Variants in SLC30A6 observed in about 807,000 individuals in gnomAD.
The protein encoded by SLC30A6 is zinc transporter 6.
Under a neutral mutation model 63.0 loss-of-function variants are expected in SLC30A6, and 55 were observed. The ratio of observed to expected loss-of-function variants is 0.87; its 90% CI spans 0.70 to 1.09. SLC30A6 has a LOEUF of 1.09. SLC30A6 is among the 50% of genes least tolerant of loss of function. The pLI is 0.00. For missense variants in SLC30A6, 587 were observed against 549.2 expected, an observed-to-expected ratio of 1.07 and a Z score of -0.69; for synonymous variants, 224 against 186.1, an observed-to-expected ratio of 1.20 and a Z score of -1.66.
At chr2:32,199,948 C>A (rs1684123961) in intron 10 of SLC30A6, among the ~76,000 whole-genome samples, 1 of 152,128 alleles carries the variant, frequency 6.6e-6, no homozygotes, top group South Asian at 2.1e-4. Context: ...AACCCCGTCT[C>A]TGCTAAAAAT....
At chr2:32,188,243 T>C (rs2148841406) in intron 5 of SLC30A6, among the ~76,000 whole-genome samples, 1 of 152,358 alleles carries the variant, frequency 6.6e-6, no homozygotes, top group African/African-American at 2.4e-5. Flanking sequence ...GTGTTACTCA[T>C]ATCTTAATAT....
chr2:32,172,943 A>C (rs574717622), intron 2 of SLC30A6, among the ~76,000 whole-genome samples: 1 of 152,184 alleles, frequency 6.6e-6, no homozygotes, highest in Non-Finnish European at 1.5e-5. Flanking sequence ...CACATCAGCC[A>C]TCACTCCGCC....
intron 13 of SLC30A6, among the ~76,000 whole-genome samples, chr2:32,210,515 C>CAAAAAAAAAAAAAAAA (rs3040860): frequency 3.4e-5 from 3 of 89,216 alleles, no homozygotes; most frequent in Non-Finnish European, 6.1e-5. Context: ...ACTCTGTCTC[C>CAAAAAAAAAAAAAAAA]AAAAAAAAAA....
Position 32,223,167 on chromosome 2 carries a change from A to G in SLC30A6, c.*2454A>G, listed in dbSNP as rs1686232673. On this transcript the variant is annotated 3_prime_UTR_variant, in exon 14 of 14. Transcript: ENST00000282587. ...TTGCCAAGCTCTGACTAACTTCTGG[A>G]TATGAAAATAAGGAACTTGCCCAGC... 1 of 152,246 alleles carries G rather than the reference A, an allele frequency of 6.6e-6. No homozygotes were observed. Among genetic ancestry groups the G allele is most frequent in the African/African-American group, 2.4e-5 (1 of 41,462 alleles). The allele number at this position is 152,246 out of a possible 1,614,324, so 9.4% of individuals were successfully genotyped here.
intron 12 of SLC30A6, among the ~76,000 whole-genome samples, chr2:32,208,811 G>A (rs188949387): frequency 4.5e-4 from 69 of 152,314 alleles, no homozygotes; most frequent in African/African-American, 1.6e-3. Context: ...ACCATGCCCA[G>A]CCTAGACTTT....
chr2:32,224,321 A>G lies in SLC30A6; in HGVS notation c.*3608A>G. The G allele has an allele frequency of 1.7e-6, 1 of 585,688 alleles. No homozygotes were observed. Among genetic ancestry groups the G allele is most frequent in the East Asian group, 2.8e-5 (1 of 35,128 alleles). 36.3% of individuals were successfully genotyped at this position (585,688 alleles called of 1,614,324 possible). A position where few individuals can be genotyped will look rare whatever the true frequency, so the allele number is the denominator to read the frequency against. On this transcript the variant is annotated 3_prime_UTR_variant, in exon 14 of 14. Coordinates refer to ENST00000282587, the MANE Select transcript of SLC30A6 (RefSeq NM_017964.5). ...CGCCGATAATCCTAGTAGGAGAGCT[A>G]AGACACAAAACTGTTGCATGTTTTT...
intron 2 of SLC30A6, 139 bp downstream of exon 2, chr2:32,171,512 T>C (rs1681210050): frequency 3.3e-6 from 2 of 606,754 alleles, no homozygotes; most frequent in African/African-American, 3.7e-5. Flanking sequence ...GAAAAGTATT[T>C]TTTTAGTGTA....
chr2:32,207,440 C>T (rs190857430), intron 12 of SLC30A6, among the ~76,000 whole-genome samples: 10 of 149,118 alleles, frequency 6.7e-5, no homozygotes, highest in South Asian at 2.1e-4. Flanking sequence ...GCAATGGTGC[C>T]GTCTTGGCTC....
At chr2:32,169,262 G>A (rs535923546) in intron 1 of SLC30A6, among the ~76,000 whole-genome samples, 12 of 152,086 alleles carry the variant, frequency 7.9e-5, no homozygotes, top group East Asian at 5.8e-4. Context: ...TTGACTTCCC[G>A]GGCTCATGCG....
rs767073182 is a variant in SLC30A6, at chr2:32,213,796, C to CTTTTT, written c.885+4245_885+4249dup. ...CCTATATTAACAGGTCTAGGATAAA[C>CTTTTT]TTTTTTTTTTTTTTGTTTTTGTTTT... On this transcript the variant is annotated intron_variant, in intron 13 of 13. Coordinates refer to ENST00000282587, the MANE Select transcript of SLC30A6 (RefSeq NM_017964.5). Among the ~76,000 whole-genome samples the CTTTTT allele has an allele frequency of 1.1e-3, 120 of 106,768 alleles. 19 individuals carry two copies. The highest frequency in any genetic ancestry group is 1.4e-3 in the Admixed American group (12 of 8,684). 70.0% of individuals were successfully genotyped at this position (106,768 alleles called of 152,430 possible). A position where few individuals can be genotyped will look rare whatever the true frequency, so the allele number is the denominator to read the frequency against.
chr2:32,198,237 A>T (rs1466160825), intron 10 of SLC30A6, among the ~76,000 whole-genome samples: 1 of 152,174 alleles, frequency 6.6e-6, no homozygotes, highest in Admixed American at 6.5e-5. Context: ...ATGGCATATG[A>T]TTCTTTGGCT....
chr2:32,218,091 CA>C (rs1178618916), intron 13 of SLC30A6, among the ~76,000 whole-genome samples: 2 of 151,766 alleles, frequency 1.3e-5, no homozygotes, highest in Non-Finnish European at 2.9e-5. Flanking sequence ...TTGTGTTAAC[CA>C]AAATAGGATC....
At position 32,192,959 on chromosome 2, in the gene SLC30A6, A is replaced by AT. The variant is rs779941048; in HGVS notation, c.401+10dup. 1 of 1,503,090 alleles carries AT rather than the reference A, an allele frequency of 6.7e-7. No individual in the cohort carries two copies. The highest frequency in any genetic ancestry group is 2.4e-5 in the East Asian group (1 of 41,924). The allele number at this position is 1,503,090 out of a possible 1,614,324, so 93.1% of individuals were successfully genotyped here. A position where few individuals can be genotyped will look rare whatever the true frequency, so the allele number is the denominator to read the frequency against. ...GAACAGCCCGAGATACACACGTGAG[A>AT]TTTTATTTTCAATATATAATTTACT... On this transcript the variant is annotated splice_region_variant and intron_variant, in intron 7 of 13. Coordinates refer to ENST00000282587, the MANE Select transcript of SLC30A6 (RefSeq NM_017964.5).
intron 1 of SLC30A6, among the ~76,000 whole-genome samples, chr2:32,166,142 T>G (rs906736598): frequency 9.2e-5 from 14 of 152,226 alleles, no homozygotes; most frequent in Non-Finnish European, 1.2e-4. Context: ...GGCAGAGCTT[T>G]CAGCTCCTGG....
intron 6 of SLC30A6, 120 bp from the exon 7 acceptor site, chr2:32,192,798 G>A (rs1463189013): frequency 5.0e-6 from 3 of 601,868 alleles, no homozygotes; most frequent in Non-Finnish European, 8.2e-6. Flanking sequence ...ACTGCTAATA[G>A]TTAATAGTTA....
In SLC30A6 at chr2:32,206,925, A is replaced by C. The variant is rs200170269; in HGVS notation, c.808A>C (p.Ile270Leu). The C allele has an allele frequency of 2.3e-4, 375 of 1,608,370 alleles. 2 individuals are homozygous for C. The highest frequency in any genetic ancestry group is 3.1e-4 in the Non-Finnish European group (360 of 1,174,924). Residue 270 changes from isoleucine to leucine, a missense_variant, in exon 12 of 14, where the codon ATC becomes CTC. Coordinates refer to ENST00000282587, the MANE Select transcript of SLC30A6 (RefSeq NM_017964.5). ...PHVIGQLDKLIREVSTLDGVL... is the reference protein window; with the variant it reads ...PHVIGQLDKLLREVSTLDGVL... The stretch of plus-strand genomic sequence containing the variant: ...TGTTATTGGTCAGTTGGACAAACTC[A>C]TCAGAGAGGTAAGATGGAATAGTAA...
At chr2:32,196,594 A>G (rs554322149) in intron 8 of SLC30A6, among the ~76,000 whole-genome samples, 126 of 152,160 alleles carry the variant, frequency 8.3e-4, no homozygotes, top group Non-Finnish European at 1.5e-3. Context: ...CATTATATGT[A>G]TGGGTTGAGC....
Position 32,184,303 on chromosome 2 carries a change from A to G in SLC30A6, c.249A>G (p.Val83=), listed in dbSNP as rs1282980934. Residue 83 remains valine (V), a synonymous_variant, in exon 5 of 14, where the codon GTA becomes GTG. Transcript: ENST00000282587. The part of the protein sequence containing the change: ...SLMTCLISYW[V]TLRKPSPVYS... ...TGACATGTTTAATAAGTTACTGGGT[A>G]ACATTGAGGAAACCTAGCCCTGTCT... The G allele has an allele frequency of 3.2e-6, 5 of 1,555,080 alleles. No individual in the cohort carries two copies. The African/African-American group carries it at 5.5e-5, about 17-fold the overall frequency.
chr2:32,190,503 T>A (rs1358137411), intron 5 of SLC30A6, among the ~76,000 whole-genome samples: 1 of 152,162 alleles, frequency 6.6e-6, no homozygotes, highest in Non-Finnish European at 1.5e-5. Context: ...TTTTTTGGGT[T>A]GGTCCTTTTG....
Sources: allele counts gnomAD v4.1 joint callset (sites outside exome capture counted in the v4.1 genomes callset), GRCh38; gene constraint gnomAD v4.1.1; transcripts MANE v1.5; gene names NCBI Gene and HGNC (gene_info 2026-07-23, HGNC 2026-07-21).